SMC5: variants seen among roughly 807,000 people sequenced by gnomAD.
SMC5 encodes structural maintenance of chromosomes protein 5.
A neutral mutation model predicts 148.3 loss-of-function variants in SMC5; 88 were observed. That is an observed-to-expected ratio of 0.59 (90% CI 0.50 to 0.71). The LOEUF (loss-of-function observed/expected upper bound fraction) is 0.71, where lower values mean the gene tolerates loss of function less well. Among genes scored for constraint, SMC5 ranks in the 30% least tolerant of loss-of-function variants. SMC5 has a pLI of 0.00. For synonymous variants in SMC5, 421 were observed against 432.8 expected, an observed-to-expected ratio of 0.97 and a Z score of 0.34; for missense variants, 1,142 against 1,298.9, an observed-to-expected ratio of 0.88 and a Z score of 1.86.
In SMC5 at chr9:70,298,138, G is replaced by A. The variant is rs373553140; in HGVS notation, c.1226G>A (p.Arg409Gln). 41 of 1,613,952 alleles carry A rather than the reference G, an allele frequency of 2.5e-5. No individual in the cohort carries two copies. In the African/African-American group the frequency reaches 3.9e-4, roughly 15 times the overall value. ...GATGCCATTACAAATGATCTGAGAC[G>A]GATTCAGGATGAAAAGGCATTATGT... ...QIDAITNDLRRIQDEKALCEG... is the reference protein window; with the variant it reads ...QIDAITNDLRQIQDEKALCEG... Residue 409 changes from arginine (R) to glutamine (Q), a missense_variant, in exon 9 of 25, where the codon CGG becomes CAG. By Grantham distance (43) the Arg-to-Gln change is conservative (BLOSUM62 1). Coordinates refer to ENST00000361138, the MANE Select transcript of SMC5 (RefSeq NM_015110.4).
At chr9:70,266,375 A>G (rs1360400856) in intron 2 of SMC5, among the ~76,000 whole-genome samples, 3 of 152,162 alleles carry the variant, frequency 2.0e-5, no homozygotes, top group African/African-American at 7.2e-5. Flanking sequence ...CATTTCAAAG[A>G]TGAGAGAGTT....
intron 10 of SMC5, among the ~76,000 whole-genome samples, chr9:70,303,251 T>C (rs10125617): frequency 0.49 from 73,027 of 149,068 alleles, 20,657 homozygotes; most frequent in Non-Finnish European, 0.62. Context: ...AAAAAAACAA[T>C]ACAGTCTGGG....
intron 8 of SMC5, among the ~76,000 whole-genome samples, chr9:70,291,858 G>A (rs1008348869): frequency 1.4e-5 from 2 of 146,980 alleles, no homozygotes; most frequent in Admixed American, 1.3e-4. Flanking sequence ...TTTTTTTTTT[G>A]CCATTATAAA....
intron 17 of SMC5, among the ~76,000 whole-genome samples, chr9:70,337,134 TC>T (rs2036378498): frequency 6.6e-6 from 1 of 152,174 alleles, no homozygotes; most frequent in African/African-American, 2.4e-5. Flanking sequence ...ACGTGGGAAT[TC>T]AAGATGAGAT....
chr9:70,259,288 C>A, intron 1 of SMC5, 25 bp downstream of exon 1: 1 of 1,546,486 alleles, frequency 6.5e-7, no homozygotes, highest in South Asian at 1.2e-5. Context: ...GGCCGCGCCG[C>A]GGGTGTGGAG....
intron 17 of SMC5, among the ~76,000 whole-genome samples, chr9:70,335,466 A>G (rs915625871): frequency 2.0e-5 from 3 of 152,208 alleles, no homozygotes; most frequent in Non-Finnish European, 4.4e-5. Context: ...TAGCCTAGGC[A>G]GTAGAGCAAG....
intron 8 of SMC5, among the ~76,000 whole-genome samples, chr9:70,295,710 G>T (rs1373592526): frequency 6.6e-6 from 1 of 152,110 alleles, no homozygotes; most frequent in Non-Finnish European, 1.5e-5. Flanking sequence ...GGATCGTTGG[G>T]CTGCTTTTCA....
intron 15 of SMC5, 122 bp from the exon 16 acceptor site, chr9:70,323,361 C>A: frequency 1.1e-6 from 1 of 885,878 alleles, no homozygotes; most frequent in Non-Finnish European, 1.7e-6. Flanking sequence ...GGTTATGGGC[C>A]AGGCACTATA....
In SMC5 at chr9:70,259,136, C is replaced by G. The variant is rs1342654623; in HGVS notation, c.58C>G (p.Leu20Val). 2.5e-6 allele frequency: 4 copies of G among 1,612,882 alleles called. No homozygotes were observed. Among genetic ancestry groups the G allele is most frequent in the Non-Finnish European group, 3.4e-6 (4 of 1,179,444 alleles). ...TPSPQPSKRA[L>V]PRDPSSEVPS... ...AAGCCCCCAGCCTTCCAAGAGAGCTCTCCCGAGAGACCCTTCGTCGGAGGT... is the reference window on the plus strand; with the variant it reads ...AAGCCCCCAGCCTTCCAAGAGAGCTGTCCCGAGAGACCCTTCGTCGGAGGT... The change falls in exon 1 of 25, where the codon CTC (leucine) becomes GTC (valine). Residue 20 changes from leucine to valine, a missense_variant. Leu to Val is a conservative substitution (Grantham distance 32). Transcript: ENST00000361138.
chr9:70,260,127 C>T (rs985991272), intron 1 of SMC5, among the ~76,000 whole-genome samples: 10 of 150,736 alleles, frequency 6.6e-5, no homozygotes, highest in South Asian at 4.2e-4. Context: ...GTTTTTGAGA[C>T]GGAGTGTCAT....
chr9:70,325,129 A>G (rs1194848734), intron 17 of SMC5, among the ~76,000 whole-genome samples: 1 of 152,206 alleles, frequency 6.6e-6, no homozygotes, highest in Non-Finnish European at 1.5e-5. Flanking sequence ...ATGTGGCTCA[A>G]AGACATGTGT....
chr9:70,346,925 T>C (rs1029668185), intron 19 of SMC5, 141 bp from the exon 20 acceptor site: 9 of 713,158 alleles, frequency 1.3e-5, no homozygotes, highest in Non-Finnish European at 2.1e-5. Flanking sequence ...CAAATGACCC[T>C]GTTTATTATT....
chr9:70,327,353 A>C (rs1388901956), intron 17 of SMC5, among the ~76,000 whole-genome samples: 1 of 152,252 alleles, frequency 6.6e-6, no homozygotes, highest in South Asian at 2.1e-4. Flanking sequence ...AATAGATAGA[A>C]ACTTATCAAA....
chr9:70,289,169 C>G (rs1343128194), intron 8 of SMC5, among the ~76,000 whole-genome samples: 1 of 152,070 alleles, frequency 6.6e-6, no homozygotes, highest in East Asian at 1.9e-4. Flanking sequence ...TCCCAAGTAG[C>G]TGGGACTACA....
chr9:70,300,061 T>C lies in SMC5; in HGVS notation c.1325T>C (p.Ile442Thr). The change falls in exon 10 of 25, where the codon ATT (isoleucine) becomes ACT (threonine). Residue 442 changes from isoleucine (I) to threonine (T), a missense_variant. Around this residue, in one of 5 missense-constraint regions of SMC5, gnomAD observed 743 missense variants for 835.7 expected, o/e 0.89. Transcript: ENST00000361138. ...ACAATTTTAGGTGTGGACGATCATA[T>C]TGTACGTTTTGACAATCTTATGAAT... ...EKEKKSVDDH[I>T]VRFDNLMNQK... The C allele has an allele frequency of 6.3e-7, 1 of 1,583,066 alleles. No homozygotes were observed. The highest frequency in any genetic ancestry group is 8.5e-7 in the Non-Finnish European group (1 of 1,172,036).
intron 17 of SMC5, among the ~76,000 whole-genome samples, chr9:70,325,710 AG>A (rs1473087684): frequency 1.3e-5 from 2 of 152,206 alleles, no homozygotes; most frequent in African/African-American, 4.8e-5. Flanking sequence ...AAATGCAAGA[AG>A]GGAGATAATG....
chr9:70,329,946 G>A (rs2036178285), intron 17 of SMC5, among the ~76,000 whole-genome samples: 1 of 152,160 alleles, frequency 6.6e-6, no homozygotes, highest in African/African-American at 2.4e-5. Flanking sequence ...CCATGGCGGT[G>A]AGAGAGAAGG....
At chr9:70,343,563 C>T (rs1485363278) in intron 17 of SMC5, among the ~76,000 whole-genome samples, 2 of 152,004 alleles carry the variant, frequency 1.3e-5, no homozygotes, top group African/African-American at 4.8e-5. Flanking sequence ...ACCTGTAATC[C>T]CAGCACTTTT....
At chr9:70,294,443 C>G (rs2035143249) in intron 8 of SMC5, among the ~76,000 whole-genome samples, 1 of 152,040 alleles carries the variant, frequency 6.6e-6, no homozygotes, top group African/African-American at 2.4e-5. Flanking sequence ...TTTTCCTGGC[C>G]AGTGTGACAT....
Sources: allele counts gnomAD v4.1 joint callset (sites outside exome capture counted in the v4.1 genomes callset), GRCh38; gene constraint gnomAD v4.1.1; regional missense constraint gnomAD v4.1.1; transcripts MANE v1.5; gene names NCBI Gene and HGNC (gene_info 2026-07-23, HGNC 2026-07-21).